The following PLXND1 variants were observed in gnomAD, a reference collection of about 807,000 sequenced individuals.
PLXND1 encodes plexin D1.
A neutral mutation model predicts 197.7 loss-of-function variants in PLXND1; 54 were observed. The ratio of observed to expected loss-of-function variants is 0.27; its 90% CI spans 0.22 to 0.34. The LOEUF (loss-of-function observed/expected upper bound fraction) is 0.34. PLXND1 is among the 10% of genes least tolerant of loss of function. PLXND1 has a pLI of 1.00. For missense variants in PLXND1, 2,127 were observed against 2,699.2 expected (o/e 0.79, Z 4.70); for synonymous variants, 1,180 against 1,161.2 (o/e 1.02, Z -0.33).
In PLXND1 at chr3:129,556,760, A is replaced by G. The variant is rs2084980320; in HGVS notation, c.5587-69T>C. 3.5e-6 allele frequency: 4 copies of G among 1,137,760 alleles called. No homozygotes were observed. The East Asian group carries it at 9.7e-5, about 28-fold the overall frequency. The allele number at this position is 1,137,760 out of a possible 1,614,324, so 70.5% of individuals were successfully genotyped here. ...AGCTGAGCCTAGTCCCAGCAAAGCC[A>G]GCTGCTTGCACACAATCCCCAACTC... On this transcript the variant is annotated intron_variant, in intron 34 of 35. Transcript: ENST00000324093.
rs545446261 is a variant in PLXND1 at position 129,561,021 on chromosome 3, G to A, written c.4994-298C>T. ...AGCGAGACAGAGTGAGGCAGAGAGA[G>A]AAAGACACACACACAGTGACCCGGG... On this transcript the variant is annotated intron_variant, in intron 29 of 35. Transcript: ENST00000324093. The A allele has an allele frequency of 2.2e-5, 12 of 547,554 alleles. No individual in the cohort carries two copies. In the African/African-American group the frequency reaches 2.2e-4, roughly 10 times the overall value. The allele number at this position is 547,554 out of a possible 1,614,324, so 33.9% of individuals were successfully genotyped here. A position where few individuals can be genotyped will look rare whatever the true frequency, so the allele number is the denominator to read the frequency against.
rs1245061468 is a variant in PLXND1 at position 129,586,657 on chromosome 3, C to A, written c.1551G>T (p.Glu517Asp). The A allele has an allele frequency of 6.9e-6, 11 of 1,586,492 alleles. No individual in the cohort carries two copies. The Admixed American group carries it at 2.0e-4, about 28-fold the overall frequency. The change falls in exon 3 of 36, where the codon GAG becomes GAT. Residue 517 changes from glutamate to aspartate, a missense_variant. This residue lies in a region of PLXND1 where 1,095 missense variants were observed against 1,259.8 expected (regional missense o/e 0.87). Transcript: ENST00000324093. ...CAAACTGCATGACATGGTGCACGGG[C>A]TCCCCATAGGCCACAGTCACCACCC... ...SRRVVTVAYGEPVHHVMQFDP... is the reference protein window; with the variant it reads ...SRRVVTVAYGDPVHHVMQFDP...
intron 8 of PLXND1, among the ~76,000 whole-genome samples, chr3:129,580,786 C>G (rs137991793): frequency 6.6e-6 from 1 of 152,128 alleles, no homozygotes; most frequent in Non-Finnish European, 1.5e-5. Flanking sequence ...CACTCAACAA[C>G]CCAGGGACCC....
intron 1 of PLXND1, among the ~76,000 whole-genome samples, chr3:129,593,207 G>T (rs1167286422): frequency 6.6e-6 from 1 of 152,020 alleles, no homozygotes; most frequent in Admixed American, 6.5e-5. Flanking sequence ...GTCCAGCCTC[G>T]CATTCAAGGC....
chr3:129,559,335 G>T, intron 32 of PLXND1: 1 of 332,614 alleles, frequency 3.0e-6, no homozygotes, highest in Non-Finnish European at 5.4e-6. Context: ...AGCTGATGGT[G>T]CCCACCTGAG....
intron 25 of PLXND1, among the ~76,000 whole-genome samples, chr3:129,564,011 G>A (rs1428421878): frequency 1.3e-5 from 2 of 152,250 alleles, no homozygotes; most frequent in South Asian, 2.1e-4. Context: ...TCCTAGAGGA[G>A]GAAACAGGCT....
At chr3:129,573,151 T>C (rs1236042677) in intron 13 of PLXND1, among the ~76,000 whole-genome samples, 1 of 152,122 alleles carries the variant, frequency 6.6e-6, no homozygotes, top group Non-Finnish European at 1.5e-5. Flanking sequence ...GCTGGGCTGG[T>C]AGATGACGGC....
At position 129,571,715 on chromosome 3, in the gene PLXND1, C is replaced by A. The variant is rs144804704; in HGVS notation, c.3207G>T (p.Pro1069=). Residue 1069 remains proline (P), a synonymous_variant, in exon 16 of 36, where the codon CCG becomes CCT. Transcript: ENST00000324093. Reference sequence around the variant, plus strand: ...GGCGGGGACTGATGGCCGTGATGACCGGGTTCTGCATGTACCAGAAGGTGA... The same window carrying A: ...GGCGGGGACTGATGGCCGTGATGACAGGGTTCTGCATGTACCAGAAGGTGA... ...GNLTFWYMQN[P]VITAISPRRS... 2 of 1,613,788 alleles carry A rather than the reference C, an allele frequency of 1.2e-6. No individual in the cohort carries two copies. The highest frequency in any genetic ancestry group is 1.7e-6 in the Non-Finnish European group (2 of 1,179,974).
At position 129,557,649 on chromosome 3, in the gene PLXND1, A is replaced by G. The variant is rs946816570; in HGVS notation, c.5446-426T>C. Among the ~76,000 whole-genome samples the G allele has an allele frequency of 6.6e-6, 1 of 152,182 alleles. No homozygotes were observed. Among genetic ancestry groups the G allele is most frequent in the Non-Finnish European group, 1.5e-5 (1 of 68,034 alleles). ...TCCCACCACATGCTCCTAACGCCTGAAAGAAGTGCCAAGAACACTCCCAGT... is the reference window on the plus strand; with the variant it reads ...TCCCACCACATGCTCCTAACGCCTGGAAGAAGTGCCAAGAACACTCCCAGT... On this transcript the variant is annotated intron_variant, in intron 33 of 35. Transcript: ENST00000324093. This position sits in a 1 kb window ranked among gnomAD's most constrained non-coding sequence, Gnocchi z 4.8.
In PLXND1 at chr3:129,560,695, G is replaced by GAAAT; in HGVS notation, c.5018_5021dup (p.Phe1674LeufsTer48). On this transcript the variant is annotated frameshift_variant, in exon 30 of 36. Coordinates refer to ENST00000324093, the MANE Select transcript of PLXND1 (RefSeq NM_015103.3). LOFTEE classifies it high-confidence loss of function. ...GCCGAGGTTGGGCACTCACCAAATG[G>GAAAT]AAATACTTCTCTGTGTCCAAGTCTT... 6.2e-7 allele frequency: 1 copy of GAAAT among 1,604,522 alleles called. No homozygotes were observed.
At chr3:129,565,247 T>C in intron 25 of PLXND1, 93 bp downstream of exon 25, 1 of 1,029,452 alleles carries the variant, frequency 9.7e-7, no homozygotes, top group South Asian at 1.4e-5. Flanking sequence ...GGCCTGAGGG[T>C]GCCAGGGAAG....
chr3:129,583,234 C>T (rs1340742968), intron 8 of PLXND1, among the ~76,000 whole-genome samples: 1 of 152,170 alleles, frequency 6.6e-6, no homozygotes, highest in Non-Finnish European at 1.5e-5. Flanking sequence ...TATAAACTGG[C>T]TCAGGCTTTC....
chr3:129,579,702 T>A lies in PLXND1; in HGVS notation c.2242-1269A>T, dbSNP rs116664860. Among the ~76,000 whole-genome samples the A allele has an allele frequency of 6.1e-3, 924 of 152,270 alleles. 3 individuals are homozygous for A. Among genetic ancestry groups the A allele is most frequent in the Middle Eastern group, 0.01 (3 of 294 alleles). ...CAGGGACTTCCTACTCTGCCCTCCT[T>A]CCCAAGGCTGGTTGCAGAAGGATCT... On this transcript the variant is annotated intron_variant, in intron 8 of 35. Transcript: ENST00000324093.
At position 129,573,652 on chromosome 3, in the gene PLXND1, C is replaced by T. The variant is rs140355020; in HGVS notation, c.2779G>A (p.Val927Met). 9 of 1,613,516 alleles carry T rather than the reference C, an allele frequency of 5.6e-6. No homozygotes were observed. The highest frequency in any genetic ancestry group is 2.2e-5 in the East Asian group (1 of 44,882). Residue 927 changes from valine (V) to methionine (M), a missense_variant, in exon 13 of 36, where the codon GTG becomes ATG. Val to Met is a conservative substitution (Grantham distance 21). Coordinates refer to ENST00000324093, the MANE Select transcript of PLXND1 (RefSeq NM_015103.3). ...GRRLSDVAHG[V>M]WIGGVACEPL... ...TCACAGGCCACACCACCAATCCACA[C>T]GCCGTGGGCCACGTCACTGAGCCGC...
intron 1 of PLXND1, among the ~76,000 whole-genome samples, chr3:129,595,900 C>T (rs560451679): frequency 2.1e-5 from 3 of 145,306 alleles, no homozygotes; most frequent in Admixed American, 6.9e-5. Context: ...GGGCACCTTA[C>T]AGCCCTGGGG....
chr3:129,581,013 A>C (rs565604436), intron 8 of PLXND1, among the ~76,000 whole-genome samples: 2 of 152,078 alleles, frequency 1.3e-5, no homozygotes, highest in Non-Finnish European at 2.9e-5. Context: ...CTAAAGCTGA[A>C]GCCCTCCTTC....
At position 129,583,648 on chromosome 3, in the gene PLXND1, T is replaced by C. The variant is rs1490888419; in HGVS notation, c.2160A>G (p.Ala720=). Residue 720 remains alanine, a synonymous_variant, in exon 8 of 36, where the codon GCA becomes GCG. Transcript: ENST00000324093. The part of the protein sequence containing the change: ...PHTACTSCLS[A]QWPCFWCSQQ... ...GGCTGCACCAGAAACAGGGCCACTGTGCCGACAGGCAGCTGGTACAGCTGG... is the reference window on the plus strand; with the variant it reads ...GGCTGCACCAGAAACAGGGCCACTGCGCCGACAGGCAGCTGGTACAGCTGG... 1.2e-6 allele frequency: 2 copies of C among 1,613,022 alleles called. No homozygotes were observed. The highest frequency in any genetic ancestry group is 3.3e-5 in the Admixed American group (2 of 59,918).
At position 129,565,893 on chromosome 3, in the gene PLXND1, C is replaced by T. The variant is rs199911198; in HGVS notation, c.4316G>A (p.Arg1439His). ...ALEQQKDFAV[R>H]DRCSLASLLT... ...CAGTCTGTCACAGCCTGACCTGTCG[C>T]GCACCGCAAAGTCCTTCTGCTGCTC... Residue 1439 changes from arginine to histidine, a missense_variant, in exon 24 of 36, where the codon CGC becomes CAC. Transcript: ENST00000324093. 1.1e-5 allele frequency: 17 copies of T among 1,614,058 alleles called. No individual in the cohort carries two copies. The highest frequency in any genetic ancestry group is 4.0e-5 in the African/African-American group (3 of 75,046).
intron 1 of PLXND1, among the ~76,000 whole-genome samples, chr3:129,590,279 A>T (rs995989300): frequency 4.7e-5 from 7 of 147,474 alleles, no homozygotes; most frequent in Admixed American, 1.4e-4. Context: ...CTCACAGGGC[A>T]GCTGTGAGAG....
Sources: allele counts gnomAD v4.1 joint callset (sites outside exome capture counted in the v4.1 genomes callset), GRCh38; gene constraint gnomAD v4.1.1; regional missense constraint gnomAD v4.1.1; non-coding constraint Gnocchi (gnomAD v3.1); transcripts MANE v1.5; gene names NCBI Gene and HGNC (gene_info 2026-07-23, HGNC 2026-07-21).